Variants in DDX5 observed in about 807,000 individuals in gnomAD.
DDX5 encodes the protein probable ATP-dependent RNA helicase DDX5.
A neutral mutation model predicts 68.6 loss-of-function variants in DDX5; 6 were observed. That is an observed-to-expected ratio of 0.09 (90% CI 0.05 to 0.17). The LOEUF (loss-of-function observed/expected upper bound fraction) is 0.17. Among genes scored for constraint, DDX5 ranks in the 10% least tolerant of loss-of-function variants. DDX5 has a pLI of 1.00. For missense variants in DDX5, 499 were observed against 756.1 expected (o/e 0.66, Z 3.99); for synonymous variants, 350 against 247.0 (o/e 1.42, Z -3.91).
chr17:64,506,444 C>A (rs1385376102), upstream of DDX5: 14 of 1,327,726 alleles, frequency 1.1e-5, no homozygotes, highest in African/African-American at 1.5e-5. Flanking sequence ...TCACCCCTCC[C>A]CGCGCCACTC....
Position 64,498,488 on chromosome 17 carries a change from A to C in DDX5, c.*1435T>G, listed in dbSNP as rs2038210294. Among the ~76,000 whole-genome samples, 1 of 152,198 alleles carries C rather than the reference A, an allele frequency of 6.6e-6. No homozygotes were observed. Among genetic ancestry groups the C allele is most frequent in the Non-Finnish European group, 1.5e-5 (1 of 68,034 alleles). On this transcript the variant is annotated 3_prime_UTR_variant, in exon 13 of 13. Transcript: ENST00000225792. ...CCCCCGAAAGCTGCTTCTAAGTTTA[A>C]AACCATGAATTTGACTAACCATGCC...
At chr17:64,504,172 G>T in intron 3 of DDX5, 50 bp downstream of exon 3, 1 of 1,611,516 alleles carries the variant, frequency 6.2e-7, no homozygotes, top group South Asian at 1.1e-5. Flanking sequence ...AAAAGAGGGG[G>T]TAGGTGGAAA....
At chr17:64,504,497 A>C in intron 2 of DDX5, 179 bp from the exon 3 acceptor site, 1 of 934,492 alleles carries the variant, frequency 1.1e-6, no homozygotes, top group East Asian at 2.7e-5. Flanking sequence ...TACTCAACCT[A>C]ATTTAAGTAA....
intron 8 of DDX5, 45 bp from the exon 9 acceptor site, chr17:64,502,594 CCATTGCTAGGGCCACA>C: frequency 7.2e-7 from 1 of 1,381,084 alleles, no homozygotes; most frequent in Non-Finnish European, 1.0e-6. Context: ...TTTTAAAAGA[CCATTGCTAGGGCCACA>C]CATTTATGGT....
chr17:64,506,195 T>G lies in DDX5; in HGVS notation c.-76A>C, dbSNP rs781890879. Reference sequence around the variant, plus strand: ...GACAAGTCGCTGGAAATGGCCTCGATGACGGCGAAGCCTTGCGGGGGCGGC... The same window carrying G: ...GACAAGTCGCTGGAAATGGCCTCGAGGACGGCGAAGCCTTGCGGGGGCGGC... On this transcript the variant is annotated 5_prime_UTR_variant, in exon 1 of 13. Coordinates refer to ENST00000225792, the MANE Select transcript of DDX5 (RefSeq NM_004396.5). The G allele has an allele frequency of 7.0e-6, 11 of 1,575,446 alleles. No individual in the cohort carries two copies. The highest frequency in any genetic ancestry group is 9.5e-6 in the Non-Finnish European group (11 of 1,160,638).
intron 3 of DDX5, 45 bp downstream of exon 3, chr17:64,504,177 T>A (rs200890573): frequency 6.2e-7 from 1 of 1,612,650 alleles, no homozygotes; most frequent in Non-Finnish European, 8.5e-7. Context: ...AGGGGGTAGG[T>A]GGAAACAAAA....
rs556493782 is a variant in DDX5 at position 64,502,760 on chromosome 17, G to C, written c.983+166C>G. ...TTCCTTCTATAGGAAAGCTATAAAT[G>C]GTGACAGCCATTATTTGAAGGATTC... On this transcript the variant is annotated intron_variant, in intron 8 of 12. Coordinates refer to ENST00000225792, the MANE Select transcript of DDX5 (RefSeq NM_004396.5). The C allele has an allele frequency of 1.9e-5, 15 of 770,284 alleles. No homozygotes were observed. The African/African-American group carries it at 2.3e-4, about 12-fold the overall frequency. 47.7% of individuals were successfully genotyped at this position (770,284 alleles called of 1,614,324 possible). A position where few individuals can be genotyped will look rare whatever the true frequency, so the allele number is the denominator to read the frequency against.
At position 64,502,353 on chromosome 17, in the gene DDX5, G is replaced by T. The variant is rs577084333; in HGVS notation, c.1094+86C>A. ...AAAAGTTAAATTCACTATCAGATAT[G>T]AAAAAAATCCACTGCTCGTGATCCA... On this transcript the variant is annotated intron_variant, in intron 9 of 12. Transcript: ENST00000225792. 7 of 1,446,918 alleles carry T rather than the reference G, an allele frequency of 4.8e-6. No homozygotes were observed. In the South Asian group the frequency reaches 7.0e-5, roughly 14 times the overall value. 89.6% of individuals were successfully genotyped at this position (1,446,918 alleles called of 1,614,324 possible).
intron 12 of DDX5, 41 bp downstream of exon 12, chr17:64,500,508 G>A (rs374708224): frequency 2.6e-5 from 41 of 1,577,974 alleles, no homozygotes; most frequent in African/African-American, 4.0e-5. Context: ...AGACAACGAT[G>A]TGACTCGTAA....
At chr17:64,506,055 C>T in intron 1 of DDX5, 21 bp downstream of exon 1, 1 of 1,543,450 alleles carries the variant, frequency 6.5e-7, no homozygotes, top group Non-Finnish European at 8.8e-7. Flanking sequence ...CCAGGCCTGA[C>T]AGCTCGGCTC....
At chr17:64,504,942 C>G in intron 1 of DDX5, 100 bp from the exon 2 acceptor site, 1 of 1,192,004 alleles carries the variant, frequency 8.4e-7, no homozygotes, top group Non-Finnish European at 1.2e-6. Context: ...CCACTGAAAA[C>G]AGACTTCGAG....
intron 1 of DDX5, 56 bp downstream of exon 1, chr17:64,506,020 A>AGGGCCCCC: frequency 2.3e-6 from 2 of 868,060 alleles, no homozygotes; most frequent in Non-Finnish European, 3.4e-6. Flanking sequence ...CGCCACCCTG[A>AGGGCCCCC]CCCGCCCTCC....
chr17:64,502,734 ATTCC>A (rs1486852934), intron 8 of DDX5, 185 bp from the exon 9 acceptor site: 41 of 729,472 alleles, frequency 5.6e-5, no homozygotes, highest in Non-Finnish European at 8.7e-5. Context: ...GGACACATGA[ATTCC>A]TTCTATAGGA....
intron 11 of DDX5, 88 bp downstream of exon 11, chr17:64,501,922 C>T: frequency 7.4e-7 from 1 of 1,345,886 alleles, no homozygotes; most frequent in Non-Finnish European, 1.1e-6. Flanking sequence ...AGAAAAAATG[C>T]AGGTTAAAGA....
At chr17:64,506,012 C>T (rs1598158485) in intron 1 of DDX5, 64 bp downstream of exon 1, 7 of 1,538,312 alleles carry the variant, frequency 4.6e-6, no homozygotes, top group Non-Finnish European at 6.1e-6. Flanking sequence ...CCGCCGGCCG[C>T]CACCCTGACC....
intron 11 of DDX5, chr17:64,501,065 A>G: frequency 2.2e-6 from 1 of 458,102 alleles, no homozygotes; most frequent in Non-Finnish European, 4.0e-6. Context: ...ACAGATCATC[A>G]AGTGACATCT....
In DDX5 at chr17:64,502,175, G is replaced by T; in HGVS notation, c.1143C>A (p.Asp381Glu). 6.2e-7 allele frequency: 1 copy of T among 1,614,112 alleles called. No individual in the cohort carries two copies. The highest frequency in any genetic ancestry group is 8.5e-7 in the Non-Finnish European group (1 of 1,180,010). The change falls in exon 10 of 13, where the codon GAC (aspartate) becomes GAA (glutamate). Residue 381 changes from aspartate to glutamate, a missense_variant. By Grantham distance (45) the Asp-to-Glu change is conservative. Coordinates refer to ENST00000225792, the MANE Select transcript of DDX5 (RefSeq NM_004396.5). ...IHGDKSQQER[D>E]WVLNEFKHGK... ...TGAAATATTTACCATTTAGAACCCA[G>T]TCACGCTCTTGTTGACTCTTGTCAC...
At position 64,499,229 on chromosome 17, in the gene DDX5, TTAAATTA is replaced by T. The variant is rs79633290; in HGVS notation, c.*687_*693del. Among the ~76,000 whole-genome samples, 2 of 152,214 alleles carry T rather than the reference TTAAATTA, an allele frequency of 1.3e-5. No homozygotes were observed. Among genetic ancestry groups the T allele is most frequent in the East Asian group, 3.8e-4 (2 of 5,202 alleles). ...GAAAAAGCCAGTTATTTGGAGCTTT[TTAAATTA>T]TAAACTTTGAAAAAGTCACCCACGT... On this transcript the variant is annotated 3_prime_UTR_variant, in exon 13 of 13. Coordinates refer to ENST00000225792, the MANE Select transcript of DDX5 (RefSeq NM_004396.5).
chr17:64,502,658 C>G, intron 8 of DDX5, 109 bp from the exon 9 acceptor site: 1 of 871,928 alleles, frequency 1.1e-6, no homozygotes, highest in Non-Finnish European at 1.8e-6. Context: ...GGCTGGAAGT[C>G]AAAGAGGAAA....
Sources: allele counts gnomAD v4.1 joint callset (sites outside exome capture counted in the v4.1 genomes callset), GRCh38; gene constraint gnomAD v4.1.1; transcripts MANE v1.5; gene names NCBI Gene and HGNC (gene_info 2026-07-23, HGNC 2026-07-21).